EXT1: variants seen among roughly 807,000 people sequenced by gnomAD.
EXT1 encodes the protein exostosin glycosyltransferase 1.
EXT1 carries 20 observed loss-of-function variants against 82.5 expected under a neutral mutation model. The ratio of observed to expected loss-of-function variants is 0.24; its 90% CI spans 0.17 to 0.35. EXT1 has a LOEUF of 0.35. Among genes scored for constraint, EXT1 ranks in the 10% least tolerant of loss-of-function variants. The pLI, the probability that EXT1 is intolerant of heterozygous loss-of-function variation, is 1.00. For missense variants in EXT1, 757 were observed against 936.5 expected (o/e 0.81, Z 2.50); for synonymous variants, 348 against 350.8 (o/e 0.99, Z 0.09).
intron 1 of EXT1, among the ~76,000 whole-genome samples, chr8:117,998,522 C>T (rs1164668675): frequency 6.6e-6 from 1 of 152,104 alleles, no homozygotes; most frequent in Admixed American, 6.5e-5. Flanking sequence ...CTCTTGACCT[C>T]AAGTGATGCT....
intron 1 of EXT1, among the ~76,000 whole-genome samples, chr8:117,960,500 A>T (rs968604918): frequency 2.0e-5 from 3 of 152,184 alleles, no homozygotes; most frequent in African/African-American, 7.2e-5. Flanking sequence ...TCTTAGAGGA[A>T]CTCAACTGAG....
chr8:117,887,414 C>T (rs373155557), intron 1 of EXT1, among the ~76,000 whole-genome samples: 9 of 152,262 alleles, frequency 5.9e-5, no homozygotes, highest in South Asian at 2.1e-4. Flanking sequence ...TGCAGTGGCA[C>T]GATCTCATTT....
intron 3 of EXT1, chr8:117,831,697 A>T (rs1275307175): frequency 2.1e-6 from 1 of 467,752 alleles, no homozygotes; most frequent in South Asian, 1.6e-5. Context: ...TTTAATAGGA[A>T]AGTCACCCAT....
In EXT1 at chr8:117,873,147, C is replaced by T. The variant is rs917445666; in HGVS notation, c.963-35946G>A. 3.9e-5 allele frequency among the ~76,000 whole-genome samples: 6 copies of T among 152,224 alleles called. No individual in the cohort carries two copies. In the East Asian group the frequency reaches 5.8e-4, roughly 15 times the overall value. On this transcript the variant is annotated intron_variant, in intron 1 of 10. Coordinates refer to ENST00000378204, the MANE Select transcript of EXT1 (RefSeq NM_000127.3). The stretch of plus-strand genomic sequence containing the variant: ...CCACATGAGAATACGATGACAAGCC[C>T]GCAGTCTGTAACCTGAAAGAGGGCC...
In EXT1 at chr8:117,996,929, G is replaced by C. The variant is rs367818258; in HGVS notation, c.962+113156C>G. On this transcript the variant is annotated intron_variant, in intron 1 of 10. Coordinates refer to ENST00000378204, the MANE Select transcript of EXT1 (RefSeq NM_000127.3). ...TCCATCACTATCTCTTGTAGGTACAGGCCAGCAGAGCACTACTTTAATTCT... is the reference window on the plus strand; with the variant it reads ...TCCATCACTATCTCTTGTAGGTACACGCCAGCAGAGCACTACTTTAATTCT... Among the ~76,000 whole-genome samples, 4 of 152,272 alleles carry C rather than the reference G, an allele frequency of 2.6e-5. No individual in the cohort carries two copies. The East Asian group carries it at 5.8e-4, about 22-fold the overall frequency.
rs1391210424 is a variant in EXT1 at position 118,110,627 on chromosome 8, G to A, written c.420C>T (p.Gly140=). ...TGGGGTCCGAGGTGTAGAACCTGGAGCCCTCGATGGCCGCTAGAATGTTTT... is the reference window on the plus strand; with the variant it reads ...TGGGGTCCGAGGTGTAGAACCTGGAACCCTCGATGGCCGCTAGAATGTTTT... The part of the protein sequence containing the change: ...SYQNILAAIE[G]SRFYTSDPSQ... The change falls in exon 1 of 11, where the codon GGC becomes GGT. Residue 140 remains glycine (G), a synonymous_variant. Transcript: ENST00000378204. 6.2e-7 allele frequency: 1 copy of A among 1,614,180 alleles called. No homozygotes were observed. The highest frequency in any genetic ancestry group is 1.7e-5 in the Admixed American group (1 of 60,018).
chr8:117,838,177 G>C (rs914822252), intron 1 of EXT1, among the ~76,000 whole-genome samples: 6 of 152,126 alleles, frequency 3.9e-5, no homozygotes, highest in Admixed American at 2.0e-4. Flanking sequence ...CCGATTCTTA[G>C]AGCCAAGATG....
chr8:117,891,111 A>G (rs573694944), intron 1 of EXT1, among the ~76,000 whole-genome samples: 2 of 152,344 alleles, frequency 1.3e-5, no homozygotes, highest in South Asian at 4.1e-4. Flanking sequence ...CTCAAGGAAA[A>G]TAATTTCCAT....
intron 1 of EXT1, among the ~76,000 whole-genome samples, chr8:118,092,435 C>G (rs1443175002): frequency 6.6e-6 from 1 of 152,120 alleles, no homozygotes; most frequent in East Asian, 1.9e-4. Context: ...AGCTTTACCC[C>G]TGAAAGTACA....
At chr8:117,917,329 G>C (rs1813771089) in intron 1 of EXT1, among the ~76,000 whole-genome samples, 1 of 152,148 alleles carries the variant, frequency 6.6e-6, no homozygotes, top group African/African-American at 2.4e-5. Flanking sequence ...GCCAGGCGTA[G>C]TGGTGCGTGC....
At chr8:117,899,324 T>C (rs1289468405) in intron 1 of EXT1, among the ~76,000 whole-genome samples, 2 of 152,218 alleles carry the variant, frequency 1.3e-5, no homozygotes, top group Admixed American at 6.5e-5. Context: ...ATACTAGCTA[T>C]AGGAGGAAAA....
At chr8:118,051,207 T>C (rs905773296) in intron 1 of EXT1, among the ~76,000 whole-genome samples, 3 of 151,912 alleles carry the variant, frequency 2.0e-5, no homozygotes, top group African/African-American at 7.3e-5. Flanking sequence ...CACGGTGGCA[T>C]GCCCCTGTAG....
chr8:117,988,433 G>T (rs1815364370), intron 1 of EXT1, among the ~76,000 whole-genome samples: 1 of 152,120 alleles, frequency 6.6e-6, no homozygotes, highest in Non-Finnish European at 1.5e-5. Flanking sequence ...CTAGAGTAAG[G>T]CCCAGAGCCT....
intron 1 of EXT1, among the ~76,000 whole-genome samples, chr8:117,922,727 C>T (rs1249752403): frequency 1.3e-5 from 2 of 152,348 alleles, no homozygotes; most frequent in East Asian, 3.9e-4. Flanking sequence ...CACTGCCCAA[C>T]ATCCAGTGTA....
intron 1 of EXT1, among the ~76,000 whole-genome samples, chr8:118,028,765 A>G (rs1420152912): frequency 6.6e-6 from 1 of 152,118 alleles, no homozygotes; most frequent in Admixed American, 6.5e-5. Flanking sequence ...TCTACTAAAA[A>G]TACAAAATTA....
Position 117,895,995 on chromosome 8 carries a change from G to A in EXT1, c.963-58794C>T, listed in dbSNP as rs538689332. ...ATGGGTTTCTGAAATACAGATAAAC[G>A]GGCACTTGGGGAAAGCAGTAATGTT... On this transcript the variant is annotated intron_variant, in intron 1 of 10. Coordinates refer to ENST00000378204, the MANE Select transcript of EXT1 (RefSeq NM_000127.3). Among the ~76,000 whole-genome samples the A allele has an allele frequency of 2.0e-4, 30 of 152,330 alleles. 1 individual carries two copies. The South Asian group carries it at 5.8e-3, about 29-fold the overall frequency.
At chr8:117,943,995 C>T (rs1354519456) in intron 1 of EXT1, among the ~76,000 whole-genome samples, 1 of 152,196 alleles carries the variant, frequency 6.6e-6, no homozygotes, top group Non-Finnish European at 1.5e-5. Context: ...CTAGTTTCAA[C>T]TACCTTTCTC....
intron 1 of EXT1, among the ~76,000 whole-genome samples, chr8:118,074,974 TAGATACCA>T (rs1172327937): frequency 6.6e-6 from 1 of 152,138 alleles, no homozygotes; most frequent in Non-Finnish European, 1.5e-5. Context: ...CCAGTAGGTG[TAGATACCA>T]GTCTCATTCA....
intron 1 of EXT1, among the ~76,000 whole-genome samples, chr8:117,855,662 G>A (rs528506352): frequency 4.6e-5 from 7 of 152,212 alleles, no homozygotes; most frequent in African/African-American, 9.6e-5. Flanking sequence ...AGAGTCACAC[G>A]TCTCTCACTT....
Sources: gnomAD v4.1 joint callset for allele counts (sites outside exome capture counted in the v4.1 genomes callset) on GRCh38, gnomAD v4.1.1 for gene constraint, MANE v1.5 for transcripts, NCBI Gene and HGNC (gene_info 2026-07-23, HGNC 2026-07-21) for gene names.